Variants in DEPDC1B observed in about 807,000 individuals in gnomAD.
The protein encoded by DEPDC1B is DEP domain-containing protein 1B.
In DEPDC1B, 51 loss-of-function variants were observed where a neutral mutation model predicts 66.5. The observed-to-expected ratio is 0.77, with a 90% CI of 0.61 to 0.97. The LOEUF (loss-of-function observed/expected upper bound fraction) is 0.97. Among genes scored for constraint, DEPDC1B ranks in the 50% least tolerant of loss-of-function variants. The probability of loss-of-function intolerance (pLI) is 0.00; values close to 1 mark genes in which losing one functional copy is unlikely to be tolerated. For missense variants in DEPDC1B, 552 were observed against 637.1 expected (o/e 0.87, Z 1.44); for synonymous variants, 226 against 223.6 (o/e 1.01, Z -0.10).
At chr5:60,627,651 T>A (rs1752833803) in intron 7 of DEPDC1B, among the ~76,000 whole-genome samples, 1 of 152,132 alleles carries the variant, frequency 6.6e-6, no homozygotes, top group African/African-American at 2.4e-5. Context: ...CCAAATGATA[T>A]AATAGTGCTT....
intron 8 of DEPDC1B, 54 bp downstream of exon 8, chr5:60,605,636 A>T (rs2111717034): frequency 6.3e-7 from 1 of 1,579,558 alleles, no homozygotes; most frequent in Non-Finnish European, 8.6e-7. Flanking sequence ...AATACACCTT[A>T]CTCAGTCGAC....
At chr5:60,620,907 T>C (rs1246185288) in intron 7 of DEPDC1B, among the ~76,000 whole-genome samples, 1 of 152,204 alleles carries the variant, frequency 6.6e-6, no homozygotes, top group African/African-American at 2.4e-5. Flanking sequence ...CCATCAGTGA[T>C]AGACTGGATT....
At chr5:60,618,359 T>G (rs1428010192) in intron 7 of DEPDC1B, among the ~76,000 whole-genome samples, 1 of 152,036 alleles carries the variant, frequency 6.6e-6, no homozygotes, top group African/African-American at 2.4e-5. Context: ...GCTGGTTTCT[T>G]GAAAAGATCA....
intron 7 of DEPDC1B, among the ~76,000 whole-genome samples, chr5:60,613,285 G>A (rs561069780): frequency 6.6e-6 from 1 of 152,320 alleles, no homozygotes; most frequent in South Asian, 2.1e-4. Context: ...GTTTGTGAAA[G>A]ATAGTAGACT....
intron 6 of DEPDC1B, among the ~76,000 whole-genome samples, chr5:60,640,103 T>C (rs886311079): frequency 6.6e-6 from 1 of 152,230 alleles, no homozygotes; most frequent in Non-Finnish European, 1.5e-5. Context: ...TATTCTGTTC[T>C]CTTCTTATAA....
At chr5:60,614,711 C>G (rs2111751191) in intron 7 of DEPDC1B, among the ~76,000 whole-genome samples, 1 of 152,262 alleles carries the variant, frequency 6.6e-6, no homozygotes, top group Admixed American at 6.5e-5. Context: ...TATTAGCAGG[C>G]CAGGCATGGT....
chr5:60,670,256 C>T (rs148631334), intron 2 of DEPDC1B, among the ~76,000 whole-genome samples: 3,817 of 152,166 alleles, frequency 0.025, 71 homozygotes, highest in Admixed American at 0.057. Flanking sequence ...TGGTGGCAGG[C>T]GCCTGTAGTC....
intron 2 of DEPDC1B, among the ~76,000 whole-genome samples, chr5:60,665,170 C>G (rs914892549): frequency 6.6e-6 from 1 of 152,264 alleles, no homozygotes; most frequent in African/African-American, 2.4e-5. Flanking sequence ...GACATAGTTT[C>G]CTCCCCTCAG....
At chr5:60,623,656 T>C (rs754161403) in intron 7 of DEPDC1B, among the ~76,000 whole-genome samples, 2 of 152,182 alleles carry the variant, frequency 1.3e-5, no homozygotes, top group Non-Finnish European at 2.9e-5. Flanking sequence ...GAACATAGTA[T>C]GTCTCTCCAG....
chr5:60,655,873 C>G lies in DEPDC1B; in HGVS notation c.315-8340G>C, dbSNP rs976561372. 2.0e-4 allele frequency among the ~76,000 whole-genome samples: 30 copies of G among 149,002 alleles called. 7 individuals are homozygous for G. Among genetic ancestry groups the G allele is most frequent in the East Asian group, 1.6e-3 (8 of 4,854 alleles). On this transcript the variant is annotated intron_variant, in intron 2 of 10. Transcript: ENST00000265036. The stretch of plus-strand genomic sequence containing the variant: ...TTTCCATCTCGATTTTGTTATTGAC[C>G]CAACAATAATCCAGGAGCAGGTTAT...
intron 7 of DEPDC1B, among the ~76,000 whole-genome samples, chr5:60,636,931 C>A (rs941983095): frequency 5.3e-5 from 8 of 152,144 alleles, no homozygotes; most frequent in Non-Finnish European, 1.2e-4. Flanking sequence ...AAGCAGCTTT[C>A]ATGCCTAGCT....
intron 7 of DEPDC1B, among the ~76,000 whole-genome samples, chr5:60,623,931 G>C (rs1224626747): frequency 3.3e-5 from 5 of 152,034 alleles, no homozygotes; most frequent in Non-Finnish European, 4.4e-5. Context: ...GATTTCTTGG[G>C]ATTTTTGATA....
rs977874893 is a variant in DEPDC1B at position 60,689,673 on chromosome 5, T to C, written c.49-2446A>G. On this transcript the variant is annotated intron_variant, in intron 1 of 10. Coordinates refer to ENST00000265036, the MANE Select transcript of DEPDC1B (RefSeq NM_018369.3). ...TTGTTTAATAAATGCTTATATAAGA[T>C]GTGATCTCTTTTTTTTTTTCAGCCA... is the stretch of plus-strand genomic sequence containing the variant. Among the ~76,000 whole-genome samples, 9 of 150,804 alleles carry C rather than the reference T, an allele frequency of 6.0e-5. No homozygotes were observed. The South Asian group carries it at 1.9e-3, about 32-fold the overall frequency.
chr5:60,656,748 T>C (rs945422574), intron 2 of DEPDC1B, among the ~76,000 whole-genome samples: 1 of 152,174 alleles, frequency 6.6e-6, no homozygotes, highest in African/African-American at 2.4e-5. Context: ...TCAGATCTCA[T>C]GAGAACTCAC....
intron 1 of DEPDC1B, among the ~76,000 whole-genome samples, chr5:60,688,452 G>C (rs1754472292): frequency 6.6e-6 from 1 of 152,122 alleles, no homozygotes; most frequent in Non-Finnish European, 1.5e-5. Flanking sequence ...TGCTAGACAA[G>C]CCTCCATTAC....
intron 8 of DEPDC1B, among the ~76,000 whole-genome samples, chr5:60,605,125 G>A (rs1427291746): frequency 6.6e-6 from 1 of 152,174 alleles, no homozygotes; most frequent in Non-Finnish European, 1.5e-5. Context: ...TAGAAGCAGA[G>A]ATTAGATGGT....
chr5:60,610,383 A>G (rs1197564711), intron 7 of DEPDC1B, among the ~76,000 whole-genome samples: 1 of 152,242 alleles, frequency 6.6e-6, no homozygotes, highest in African/African-American at 2.4e-5. Context: ...AGCTACTACT[A>G]TCTTAAAGCA....
At chr5:60,635,751 C>A (rs534436321) in intron 7 of DEPDC1B, among the ~76,000 whole-genome samples, 2 of 152,230 alleles carry the variant, frequency 1.3e-5, no homozygotes, top group African/African-American at 4.8e-5. Flanking sequence ...AAAATTCAAG[C>A]CCAGGGCTGC....
chr5:60,635,628 C>A (rs372548844), intron 7 of DEPDC1B, among the ~76,000 whole-genome samples: 4 of 152,154 alleles, frequency 2.6e-5, no homozygotes, highest in African/African-American at 9.7e-5. Flanking sequence ...GCTTCAGAGT[C>A]TGAGAAGCAT....
Sources: gnomAD v4.1 joint callset for allele counts (sites outside exome capture counted in the v4.1 genomes callset) on GRCh38, gnomAD v4.1.1 for gene constraint, MANE v1.5 for transcripts, NCBI Gene and HGNC (gene_info 2026-07-23, HGNC 2026-07-21) for gene names.